Variants in MUC12 observed in about 807,000 individuals in gnomAD.
MUC12 encodes the protein mucin-12.
A neutral mutation model predicts 230.8 loss-of-function variants in MUC12; 172 were observed. That is an observed-to-expected ratio of 0.75 (90% CI 0.66 to 0.85). The LOEUF is 0.85. MUC12 is among the 40% of genes least tolerant of loss of function. MUC12 has a pLI of 0.00. For missense variants in MUC12, 3,506 were observed against 5,920.6 expected, an observed-to-expected ratio of 0.59 and a Z score of 13.38; for synonymous variants, 1,259 against 2,401.9, an observed-to-expected ratio of 0.52 and a Z score of 13.91.
At chr7:100,989,092 T>G (rs1793238268) in intron 1 of MUC12, among the ~76,000 whole-genome samples, 1 of 143,340 alleles carries the variant, frequency 7.0e-6, no homozygotes, top group Admixed American at 6.9e-5. Flanking sequence ...GTCTTCTTCC[T>G]CTTCTTCTTT....
rs1182935803 is a variant in MUC12 at position 100,990,987 on chromosome 7, A to T, written c.424A>T (p.Ser142Cys). The change falls in exon 2 of 12, where the codon AGT becomes TGT. Residue 142 changes from serine to cysteine, a missense_variant. Transcript: ENST00000536621. ...GAGTGAGAAATCTACCACCTTCTAC[A>T]GTAGCCCCAGATCACCAGACAGAAC... is the stretch of plus-strand genomic sequence containing the variant. The part of the protein sequence containing the change: ...GLSEKSTTFY[S>C]SPRSPDRTLS... The T allele has an allele frequency of 5.2e-6, 8 of 1,537,918 alleles. No individual in the cohort carries two copies. The South Asian group carries it at 7.1e-5, about 14-fold the overall frequency.
At chr7:100,984,221 G>C (rs1025110953) in intron 1 of MUC12, among the ~76,000 whole-genome samples, 2 of 151,756 alleles carry the variant, frequency 1.3e-5, no homozygotes, top group Non-Finnish European at 2.9e-5. Context: ...ACTGATCTCT[G>C]TGAGGTGAGA....
intron 2 of MUC12, among the ~76,000 whole-genome samples, chr7:101,005,965 T>C (rs1793742594): frequency 6.6e-6 from 1 of 152,070 alleles, no homozygotes; most frequent in Admixed American, 6.6e-5. Context: ...GCCTACCTAA[T>C]TTTTGTATTT....
intron 1 of MUC12, among the ~76,000 whole-genome samples, chr7:100,974,799 T>C (rs1479474005): frequency 6.6e-6 from 1 of 152,298 alleles, no homozygotes; most frequent in African/African-American, 2.4e-5. Context: ...CATTCCAGCC[T>C]GGGCAACAGA....
At chr7:100,971,145 A>G (rs570941052) in intron 1 of MUC12, among the ~76,000 whole-genome samples, 169 of 43,278 alleles carry the variant, frequency 3.9e-3, no homozygotes, top group African/African-American at 0.013. Flanking sequence ...ACAGAGCGAG[A>G]CTCTCTCAAA....
In MUC12 at chr7:100,991,937, C is replaced by G; in HGVS notation, c.1374C>G (p.Pro458=). The change falls in exon 2 of 12, where the codon CCC becomes CCG. Residue 458 remains proline, a synonymous_variant. Transcript: ENST00000536621. The part of the protein sequence containing the change: ...ATTVLPAGST[P]SVLVGDSTPS... Reference sequence around the variant, plus strand: ...CAGTCTTACCTGCCGGCTCTACACCCTCAGTTCTTGTTGGAGACTCGACGC... The same window carrying G: ...CAGTCTTACCTGCCGGCTCTACACCGTCAGTTCTTGTTGGAGACTCGACGC... 2 of 1,537,946 alleles carry G rather than the reference C, an allele frequency of 1.3e-6. No homozygotes were observed. Among genetic ancestry groups the G allele is most frequent in the Non-Finnish European group, 1.7e-6 (2 of 1,147,076 alleles).
intron 5 of MUC12, among the ~76,000 whole-genome samples, chr7:101,009,971 AGC>A (rs1793816062): frequency 6.6e-6 from 1 of 152,232 alleles, no homozygotes; most frequent in Admixed American, 6.5e-5. Context: ...CAGAGTAGAT[AGC>A]TCAGTCTGGC....
In MUC12 at chr7:100,995,842, C is replaced by T. The variant is rs774756476; in HGVS notation, c.5279C>T (p.Ser1760Phe). 21 of 1,460,282 alleles carry T rather than the reference C, an allele frequency of 1.4e-5. No homozygotes were observed. In the East Asian group the frequency reaches 2.5e-4, roughly 17 times the overall value. The allele number at this position is 1,460,282 out of a possible 1,614,324, so 90.5% of individuals were successfully genotyped here. A position where few individuals can be genotyped will look rare whatever the true frequency, so the allele number is the denominator to read the frequency against. Reference protein sequence around the residue: ...ATATTPSPARSTTSGLVEEST... With the variant: ...ATATTPSPARFTTSGLVEEST... ...GCAACAACACCCTCGCCTGCCCGCT[C>T]CACAACCTCAGGCCTCGTTGAAGAA... Residue 1760 changes from serine (S) to phenylalanine (F), a missense_variant, in exon 2 of 12, where the codon TCC becomes TTC. By Grantham distance (155) the Ser-to-Phe change is radical (BLOSUM62 -2). Coordinates refer to ENST00000536621, the MANE Select transcript of MUC12 (RefSeq NM_001164462.2).
intron 1 of MUC12, among the ~76,000 whole-genome samples, chr7:100,971,798 G>T (rs1290110162): frequency 6.6e-6 from 1 of 152,308 alleles, no homozygotes; most frequent in Non-Finnish European, 1.5e-5. Context: ...TCTGTAGTCA[G>T]ATTATTCAAG....
chr7:101,009,723 T>A (rs746066850), intron 5 of MUC12, among the ~76,000 whole-genome samples: 1 of 151,342 alleles, frequency 6.6e-6, no homozygotes, highest in Non-Finnish European at 1.5e-5. Context: ...TGAGGAGGAA[T>A]GATCCAGAGA....
At chr7:100,978,518 A>C (rs1286136710) in intron 1 of MUC12, among the ~76,000 whole-genome samples, 1 of 152,172 alleles carries the variant, frequency 6.6e-6, no homozygotes, top group African/African-American at 2.4e-5. Flanking sequence ...TGGATTGCAC[A>C]AGGTCACACA....
chr7:100,980,557 A>C (rs1251184044), intron 1 of MUC12, among the ~76,000 whole-genome samples: 2 of 152,216 alleles, frequency 1.3e-5, no homozygotes, highest in East Asian at 1.9e-4. Context: ...GGCAATAAAC[A>C]TTCTTGTATA....
At chr7:100,978,110 G>A (rs1261794180) in intron 1 of MUC12, among the ~76,000 whole-genome samples, 1 of 152,156 alleles carries the variant, frequency 6.6e-6, no homozygotes, top group Non-Finnish European at 1.5e-5. Flanking sequence ...TTAGGACTTC[G>A]AGGATATATT....
chr7:100,986,242 G>A (rs1793187427), intron 1 of MUC12, among the ~76,000 whole-genome samples: 2 of 151,972 alleles, frequency 1.3e-5, no homozygotes, highest in Non-Finnish European at 2.9e-5. Context: ...GCACACCCCT[G>A]TAGCCCCAAC....
intron 1 of MUC12, among the ~76,000 whole-genome samples, chr7:100,986,417 C>CAAAAAAAAA (rs111411249): frequency 7.4e-6 from 1 of 135,058 alleles, no homozygotes. Flanking sequence ...GACCCTGTCT[C>CAAAAAAAAA]AAAAAAAAAA....
intron 1 of MUC12, among the ~76,000 whole-genome samples, chr7:100,982,157 G>A (rs948811209): frequency 6.6e-6 from 1 of 151,164 alleles, no homozygotes; most frequent in South Asian, 2.1e-4. Flanking sequence ...GTGAGCCACC[G>A]TGCCCAGCCT....
intron 10 of MUC12, among the ~76,000 whole-genome samples, chr7:101,016,286 T>G (rs1584849224): frequency 6.7e-6 from 1 of 150,330 alleles, no homozygotes. Context: ...GGGAATGGGG[T>G]GGGGGGTTGA....
At chr7:101,007,474 A>G (rs1380047483) in intron 3 of MUC12, among the ~76,000 whole-genome samples, 5 of 152,182 alleles carry the variant, frequency 3.3e-5, no homozygotes, top group Non-Finnish European at 5.9e-5. Flanking sequence ...TTGGACTTTT[A>G]GATTCCACTA....
Position 100,991,765 on chromosome 7 carries a change from C to A in MUC12, c.1202C>A (p.Pro401His). The A allele has an allele frequency of 6.5e-7, 1 of 1,537,998 alleles. No individual in the cohort carries two copies. Among genetic ancestry groups the A allele is most frequent in the Non-Finnish European group, 8.7e-7 (1 of 1,147,080 alleles). Residue 401 changes from proline (P) to histidine (H), a missense_variant, in exon 2 of 12, where the codon CCT becomes CAT. Transcript: ENST00000536621. ...GSTTHTKSST[P>H]STTAALAHTS... is the part of the protein sequence containing the mutation. ...ACAACACACACAAAATCTTCAACTC[C>A]TAGCACCACAGCTGCCCTAGCACAT...
Sources: gnomAD v4.1 joint callset for allele counts (sites outside exome capture counted in the v4.1 genomes callset) on GRCh38, gnomAD v4.1.1 for gene constraint, MANE v1.5 for transcripts, NCBI Gene and HGNC (gene_info 2026-07-23, HGNC 2026-07-21) for gene names.